The following PLEKHG3 variants were observed in gnomAD, a reference collection of about 807,000 sequenced individuals.
PLEKHG3 encodes pleckstrin homology and RhoGEF domain containing G3.
PLEKHG3 carries 62 observed loss-of-function variants against 94.9 expected under a neutral mutation model. The observed-to-expected ratio is 0.65, with a 90% CI of 0.53 to 0.81. The LOEUF (loss-of-function observed/expected upper bound fraction) is 0.81. Ranked by LOEUF, PLEKHG3 falls within the 30% of genes least tolerant of loss-of-function variation. The pLI, the probability that PLEKHG3 is intolerant of heterozygous loss-of-function variation, is 0.00. For synonymous variants in PLEKHG3, 614 were observed against 654.0 expected, an observed-to-expected ratio of 0.94 and a Z score of 0.93; for missense variants, 1,461 against 1,619.3, an observed-to-expected ratio of 0.90 and a Z score of 1.68.
intron 12 of PLEKHG3, among the ~76,000 whole-genome samples, chr14:64,734,189 C>G (rs1282529761): frequency 6.6e-6 from 1 of 152,188 alleles, no homozygotes; most frequent in African/African-American, 2.4e-5. Flanking sequence ...CCTAGGCCAC[C>G]TTGCTATGGT....
At chr14:64,705,719 G>C (rs2080961236) in intron 1 of PLEKHG3, among the ~76,000 whole-genome samples, 1 of 152,232 alleles carries the variant, frequency 6.6e-6, no homozygotes, top group Non-Finnish European at 1.5e-5. Flanking sequence ...GGGCCTCCCC[G>C]TTGAGCACAT....
rs1473276616 is a variant in PLEKHG3 at position 64,732,505 on chromosome 14, T to A, written c.1246+45T>A. The A allele has an allele frequency of 4.7e-6, 7 of 1,482,276 alleles. No individual in the cohort carries two copies. The African/African-American group carries it at 9.7e-5, about 20-fold the overall frequency. 91.8% of individuals were successfully genotyped at this position (1,482,276 alleles called of 1,614,324 possible). A position where few individuals can be genotyped will look rare whatever the true frequency, so the allele number is the denominator to read the frequency against. On this transcript the variant is annotated intron_variant, in intron 11 of 16. Coordinates refer to ENST00000247226, the MANE Select transcript of PLEKHG3 (RefSeq NM_001308147.2). The surrounding 1 kb of genome is among the most constrained non-coding windows in gnomAD (Gnocchi z 4.9). ...CCTGTTTTGTCCCTAATCGTGCACA[T>A]TGCTAGGTCAGGCTGCATCCTGGGG...
intron 1 of PLEKHG3, among the ~76,000 whole-genome samples, chr14:64,705,226 A>G (rs1594648566): frequency 6.6e-6 from 1 of 152,112 alleles, no homozygotes. Flanking sequence ...AGAAGCGGGG[A>G]GCGGAAAGCC....
Position 64,720,909 on chromosome 14 carries a change from C to T in PLEKHG3, c.-39-6684C>T, listed in dbSNP as rs2081252137. ...CCAGCAGTGTAGCATCTTCCAGTTC[C>T]CTTCTCTCTGTCCCTCTGCTTTTAT... On this transcript the variant is annotated intron_variant, in intron 1 of 16. Transcript: ENST00000247226. This position sits in a 1 kb window ranked among gnomAD's most constrained non-coding sequence, Gnocchi z 4.1. Among the ~76,000 whole-genome samples the T allele has an allele frequency of 6.6e-6, 1 of 152,204 alleles. No homozygotes were observed. The highest frequency in any genetic ancestry group is 2.1e-4 in the South Asian group (1 of 4,832).
chr14:64,735,006 A>G (rs1252646375), intron 12 of PLEKHG3, among the ~76,000 whole-genome samples: 1 of 152,164 alleles, frequency 6.6e-6, no homozygotes, highest in Non-Finnish European at 1.5e-5. Context: ...GATTACAGGC[A>G]TGAGCCATCC....
At position 64,727,757 on chromosome 14, in the gene PLEKHG3, C is replaced by T. The variant is rs374216181; in HGVS notation, c.126C>T (p.Ser42=). 1.6e-5 allele frequency: 25 copies of T among 1,611,436 alleles called. No individual in the cohort carries two copies. Among genetic ancestry groups the T allele is most frequent in the East Asian group, 2.2e-5 (1 of 44,806 alleles). The change falls in exon 2 of 17, where the codon TCC becomes TCT. Residue 42 remains serine, a synonymous_variant. Transcript: ENST00000247226. The surrounding 1 kb of genome is among the most constrained non-coding windows in gnomAD (Gnocchi z 6.0). ...GTGCCATGGAGGAGCCCAGCAGCTC[C>T]GAGGCTCCCGCCAAGAATGGGGCAG... ...SRSAMEEPSS[S]EAPAKNGAGS... is the part of the protein sequence containing the mutation.
rs576471356 is a variant in PLEKHG3, at chr14:64,743,007, A to T, written c.2964A>T (p.Leu988=). 2 of 1,613,190 alleles carry T rather than the reference A, an allele frequency of 1.2e-6. No homozygotes were observed. Among genetic ancestry groups the T allele is most frequent in the South Asian group, 2.2e-5 (2 of 91,086 alleles). The change falls in exon 17 of 17, where the codon CTA becomes CTT. Residue 988 remains leucine (L), a synonymous_variant. Coordinates refer to ENST00000247226, the MANE Select transcript of PLEKHG3 (RefSeq NM_001308147.2). This position sits in a 1 kb window ranked among gnomAD's most constrained non-coding sequence, Gnocchi z 7.2. ...GTAAGAGGAAGCCGGTGCTGTCTCT[A>T]TTTGACTATGAGCAGCTGATGGCCC... ...GKGKRKPVLS[L]FDYEQLMAQE...
chr14:64,741,081 G>A lies in PLEKHG3; in HGVS notation c.1564G>A (p.Ala522Thr). The change falls in exon 16 of 17, where the codon GCT becomes ACT. Residue 522 changes from alanine to threonine, a missense_variant. This residue lies in a region of PLEKHG3 where 1,201 missense variants were observed against 1,295.5 expected (regional missense o/e 0.93). Transcript: ENST00000247226. ...EAGSEQEVFS[A>T]VEGPSAEETP... Reference sequence around the variant, plus strand: ...TGGGAGTGAGCAAGAGGTATTTTCTGCTGTGGAAGGGCCCAGTGCCGAGGA... The same window carrying A: ...TGGGAGTGAGCAAGAGGTATTTTCTACTGTGGAAGGGCCCAGTGCCGAGGA... 1 of 1,609,218 alleles carries A rather than the reference G, an allele frequency of 6.2e-7. No individual in the cohort carries two copies. Among genetic ancestry groups the A allele is most frequent in the Non-Finnish European group, 8.5e-7 (1 of 1,176,620 alleles).
chr14:64,750,248 T>C lies in PLEKHG3; in HGVS notation c.*6545T>C, dbSNP rs569119196. ...TTCACCATTAAAAAAAATTACACCA[T>C]GTTTGTTCTGATACATAGTAACATG... On this transcript the variant is annotated 3_prime_UTR_variant, in exon 17 of 17. Coordinates refer to ENST00000247226, the MANE Select transcript of PLEKHG3 (RefSeq NM_001308147.2). 7 of 1,282,122 alleles carry C rather than the reference T, an allele frequency of 5.5e-6. No homozygotes were observed. In the African/African-American group the frequency reaches 7.4e-5, roughly 14 times the overall value. 79.4% of individuals were successfully genotyped at this position (1,282,122 alleles called of 1,614,324 possible).
Position 64,728,908 on chromosome 14 carries a change from A to T in PLEKHG3, c.352-88A>T. 1.7e-6 allele frequency: 1 copy of T among 582,522 alleles called. No individual in the cohort carries two copies. The highest frequency in any genetic ancestry group is 3.1e-6 in the Non-Finnish European group (1 of 321,322). 36.1% of individuals were successfully genotyped at this position (582,522 alleles called of 1,614,324 possible). ...TAGGCAATGTCCGTGAAGTGGTGTT[A>T]CAGCAGGGCCGAAACGAGGTGTGGC... On this transcript the variant is annotated intron_variant, in intron 2 of 16. Transcript: ENST00000247226. This position sits in a 1 kb window ranked among gnomAD's most constrained non-coding sequence, Gnocchi z 5.9.
Position 64,738,612 on chromosome 14 carries a change from G to A in PLEKHG3, c.1405-130G>A. The A allele has an allele frequency of 1.4e-6, 1 of 697,266 alleles. No homozygotes were observed. Among genetic ancestry groups the A allele is most frequent in the Non-Finnish European group, 2.5e-6 (1 of 398,464 alleles). The allele number at this position is 697,266 out of a possible 1,614,324, so 43.2% of individuals were successfully genotyped here. ...GGCAGTTCAGGTTGGCTCTGGAATG[G>A]CTCAGGTCCAAGACTGGCTCTCAGC... On this transcript the variant is annotated intron_variant, in intron 14 of 16. Transcript: ENST00000247226. The surrounding 1 kb of genome is among the most constrained non-coding windows in gnomAD (Gnocchi z 4.8).
chr14:64,712,922 A>G (rs1350275476), intron 1 of PLEKHG3, among the ~76,000 whole-genome samples: 2 of 152,192 alleles, frequency 1.3e-5, no homozygotes, highest in South Asian at 4.1e-4. Context: ...TCCATTGATT[A>G]TGATGTACCT....
rs766313135 is a variant in PLEKHG3 at position 64,749,446 on chromosome 14, C to A, written c.*5743C>A. 8 of 1,602,248 alleles carry A rather than the reference C, an allele frequency of 5.0e-6. No homozygotes were observed. Among genetic ancestry groups the A allele is most frequent in the Non-Finnish European group, 5.9e-6 (7 of 1,178,690 alleles). ...TGGGACTCGTTGATGGCGGTGCTCA[C>A]GCCCTGCAGCCAGGACAGCATCTCC... is the stretch of plus-strand genomic sequence containing the variant. On this transcript the variant is annotated 3_prime_UTR_variant, in exon 17 of 17. Coordinates refer to ENST00000247226, the MANE Select transcript of PLEKHG3 (RefSeq NM_001308147.2). The surrounding 1 kb of genome is among the most constrained non-coding windows in gnomAD (Gnocchi z 4.7).
In PLEKHG3 at chr14:64,743,649, G is replaced by A. The variant is rs1454387738; in HGVS notation, c.3606G>A (p.Gln1202=). 6.2e-7 allele frequency: 1 copy of A among 1,608,292 alleles called. No individual in the cohort carries two copies. Among genetic ancestry groups the A allele is most frequent in the South Asian group, 1.1e-5 (1 of 90,688 alleles). The part of the protein sequence containing the change: ...GSRDPADPSQ[Q]GRVRNLREKF... ...GGGACCCGGCAGACCCGAGCCAGCA[G>A]GGCAGAGTGAGAAACCTTAGAGAGA... is the stretch of plus-strand genomic sequence containing the variant. Residue 1202 remains glutamine (Q), a synonymous_variant, in exon 17 of 17, where the codon CAG becomes CAA. Coordinates refer to ENST00000247226, the MANE Select transcript of PLEKHG3 (RefSeq NM_001308147.2). The surrounding 1 kb of genome is among the most constrained non-coding windows in gnomAD (Gnocchi z 7.2).
Position 64,721,803 on chromosome 14 carries a change from A to G in PLEKHG3, c.-39-5790A>G, listed in dbSNP as rs991252748. On this transcript the variant is annotated intron_variant, in intron 1 of 16. Transcript: ENST00000247226. This position sits in a 1 kb window ranked among gnomAD's most constrained non-coding sequence, Gnocchi z 4.3. ...CCTCCCCTCCCCCAGGAGAGCCCCT[A>G]GGGTGCAGGGAGCAGTGGGAACACA... is the stretch of plus-strand genomic sequence containing the variant. Among the ~76,000 whole-genome samples, 4 of 152,122 alleles carry G rather than the reference A, an allele frequency of 2.6e-5. No homozygotes were observed. The highest frequency in any genetic ancestry group is 9.7e-5 in the African/African-American group (4 of 41,438).
intron 1 of PLEKHG3, among the ~76,000 whole-genome samples, chr14:64,707,804 G>A (rs1251523180): frequency 6.6e-6 from 1 of 152,208 alleles, no homozygotes; most frequent in Non-Finnish European, 1.5e-5. Flanking sequence ...CAAATCCCTG[G>A]CTTGACAGCT....
chr14:64,732,846 T>G lies in PLEKHG3; in HGVS notation c.1290T>G (p.Ala430=). ...YRCSPERLKK[A]WSSQDEVSTN... Reference sequence around the variant, plus strand: ...GCAGCCCAGAGCGGCTGAAGAAGGCTTGGTCCTCCCAGGATGAGGTGTCCA... The same window carrying G: ...GCAGCCCAGAGCGGCTGAAGAAGGCGTGGTCCTCCCAGGATGAGGTGTCCA... Residue 430 remains alanine (A), a synonymous_variant, in exon 12 of 17, where the codon GCT becomes GCG. Coordinates refer to ENST00000247226, the MANE Select transcript of PLEKHG3 (RefSeq NM_001308147.2). The surrounding 1 kb of genome is among the most constrained non-coding windows in gnomAD (Gnocchi z 4.9). 1 of 1,611,288 alleles carries G rather than the reference T, an allele frequency of 6.2e-7. No individual in the cohort carries two copies. The highest frequency in any genetic ancestry group is 8.5e-7 in the Non-Finnish European group (1 of 1,179,142).
rs1285712835 is a variant in PLEKHG3 at position 64,748,912 on chromosome 14, GA to G, written c.*5211del. 1 of 184,568 alleles carries G rather than the reference GA, an allele frequency of 5.4e-6. No homozygotes were observed. Among genetic ancestry groups the G allele is most frequent in the Non-Finnish European group, 1.1e-5 (1 of 90,612 alleles). 11.4% of individuals were successfully genotyped at this position (184,568 alleles called of 1,614,324 possible). On this transcript the variant is annotated 3_prime_UTR_variant, in exon 17 of 17. Coordinates refer to ENST00000247226, the MANE Select transcript of PLEKHG3 (RefSeq NM_001308147.2). ...GCTTTAGGAACGGGCAGCGTTTGAA[GA>G]ACCCCATCAGCCTTCTCCAGCTCTT...
rs1203445423 is a variant in PLEKHG3, at chr14:64,704,930, T to C, written c.-40+226T>C. The stretch of plus-strand genomic sequence containing the variant: ...GCAGGAGGGTCGTATGGGGAGACTT[T>C]TTCTGTCTTTTTTTCCCTCCACTCC... On this transcript the variant is annotated intron_variant, in intron 1 of 16. Transcript: ENST00000247226. This position sits in a 1 kb window ranked among gnomAD's most constrained non-coding sequence, Gnocchi z 5.6. 6.6e-6 allele frequency among the ~76,000 whole-genome samples: 1 copy of C among 152,090 alleles called. No individual in the cohort carries two copies. Among genetic ancestry groups the C allele is most frequent in the Non-Finnish European group, 1.5e-5 (1 of 67,992 alleles).
Sources: gnomAD v4.1 joint callset for allele counts (sites outside exome capture counted in the v4.1 genomes callset) on GRCh38, gnomAD v4.1.1 for gene constraint, gnomAD v4.1.1 regional missense constraint, Gnocchi (gnomAD v3.1) non-coding constraint, MANE v1.5 for transcripts, NCBI Gene and HGNC (gene_info 2026-07-23, HGNC 2026-07-21) for gene names.